The following CDH10 variants were observed in gnomAD, a reference collection of about 807,000 sequenced individuals.
The protein encoded by CDH10 is cadherin 10.
A neutral mutation model predicts 73.1 loss-of-function variants in CDH10; 30 were observed. The ratio of observed to expected loss-of-function variants is 0.41; its 90% CI spans 0.31 to 0.56. CDH10 has a LOEUF of 0.56. Among genes scored for constraint, CDH10 ranks in the 20% least tolerant of loss-of-function variants. The pLI is 0.27. For missense variants in CDH10, 815 were observed against 973.7 expected, an observed-to-expected ratio of 0.84 and a Z score of 2.17; for synonymous variants, 345 against 348.2, an observed-to-expected ratio of 0.99 and a Z score of 0.10.
chr5:24,639,208 T>C (rs949227359), intron 1 of CDH10, among the ~76,000 whole-genome samples: 4 of 151,754 alleles, frequency 2.6e-5, no homozygotes, highest in African/African-American at 9.6e-5. Context: ...GAAGTTCGCT[T>C]CAGTAATTAT....
At chr5:24,604,172 G>T (rs1746670258) in intron 1 of CDH10, among the ~76,000 whole-genome samples, 1 of 151,778 alleles carries the variant, frequency 6.6e-6, no homozygotes, top group African/African-American at 2.4e-5. Flanking sequence ...AACATAGTGA[G>T]ACCCCATATC....
intron 1 of CDH10, among the ~76,000 whole-genome samples, chr5:24,640,539 AAAAAAG>A (rs1157966009): frequency 1.3e-5 from 2 of 151,752 alleles, no homozygotes; most frequent in African/African-American, 4.8e-5. Flanking sequence ...TCTTGAAAAA[AAAAAAG>A]AAAAGATTGA....
intron 9 of CDH10, among the ~76,000 whole-genome samples, chr5:24,494,790 T>G (rs978103141): frequency 9.9e-5 from 15 of 152,020 alleles, no homozygotes; most frequent in Non-Finnish European, 1.9e-4. Flanking sequence ...GTAGTTAATT[T>G]ATACATTTTG....
intron 2 of CDH10, among the ~76,000 whole-genome samples, chr5:24,555,144 C>T (rs1243666530): frequency 6.6e-6 from 1 of 152,074 alleles, no homozygotes; most frequent in South Asian, 2.1e-4. Flanking sequence ...GTTCTTTACT[C>T]TTCTCTGACT....
chr5:24,516,791 T>G (rs973707251), intron 5 of CDH10, among the ~76,000 whole-genome samples: 9 of 151,760 alleles, frequency 5.9e-5, no homozygotes, highest in African/African-American at 9.7e-5. Flanking sequence ...TCATCTTATA[T>G]TTTTTGCGCC....
intron 3 of CDH10, among the ~76,000 whole-genome samples, chr5:24,536,894 T>G (rs1279135734): frequency 6.6e-6 from 1 of 151,868 alleles, no homozygotes; most frequent in Non-Finnish European, 1.5e-5. Flanking sequence ...ATGATAGGAT[T>G]TTTTTATGAT....
At chr5:24,585,875 T>A (rs1230843514) in intron 2 of CDH10, among the ~76,000 whole-genome samples, 2 of 152,234 alleles carry the variant, frequency 1.3e-5, no homozygotes. Flanking sequence ...GATTCACAGT[T>A]CTGTCCCTCC....
At chr5:24,622,966 C>T (rs1180787636) in intron 1 of CDH10, among the ~76,000 whole-genome samples, 2 of 152,058 alleles carry the variant, frequency 1.3e-5, no homozygotes, top group Non-Finnish European at 2.9e-5. Context: ...CATATTTGAC[C>T]TCAGTGGTAG....
rs2111605336 is a variant in CDH10, at chr5:24,487,905, C to T, written c.2125G>A (p.Asp709Asn). 6.2e-7 allele frequency: 1 copy of T among 1,613,834 alleles called. No individual in the cohort carries two copies. Among genetic ancestry groups the T allele is most frequent in the East Asian group, 2.2e-5 (1 of 44,844 alleles). The change falls in exon 12 of 12, where the codon GAC (aspartate) becomes AAC (asparagine). Residue 709 changes from aspartate (D) to asparagine (N), a missense_variant. Physicochemically the swap from Asp to Asn is conservative, Grantham distance 23. Around this residue, in one of 3 missense-constraint regions of CDH10, gnomAD observed 241 missense variants for 240.3 expected, o/e 1.00. Transcript: ENST00000264463. ...RRTPTAPDNT[D>N]VRDFINERLK... ...CTTTCATTAATGAAATCCCGGACGT[C>T]CGTGTTATCTGGAGCTGTAGGAGTC...
intron 2 of CDH10, among the ~76,000 whole-genome samples, chr5:24,564,776 A>G (rs1055670569): frequency 6.6e-6 from 1 of 152,190 alleles, no homozygotes; most frequent in African/African-American, 2.4e-5. Flanking sequence ...AACTTATTAG[A>G]TCAATCCTGC....
intron 9 of CDH10, among the ~76,000 whole-genome samples, chr5:24,494,947 G>T (rs1018260314): frequency 6.6e-6 from 1 of 152,016 alleles, no homozygotes; most frequent in Non-Finnish European, 1.5e-5. Context: ...TCCTTTACAA[G>T]ATAATAGGTT....
At chr5:24,534,638 G>A (rs960155338) in intron 5 of CDH10, among the ~76,000 whole-genome samples, 20 of 151,958 alleles carry the variant, frequency 1.3e-4, no homozygotes, top group African/African-American at 4.3e-4. Flanking sequence ...GATAGTTTTC[G>A]GAGGTTCTCG....
chr5:24,583,124 G>C (rs1461569914), intron 2 of CDH10, among the ~76,000 whole-genome samples: 1 of 149,088 alleles, frequency 6.7e-6, no homozygotes, highest in Non-Finnish European at 1.5e-5. Context: ...CCATTAGAAA[G>C]AATATTATTC....
At chr5:24,605,670 G>A (rs1219034584) in intron 1 of CDH10, among the ~76,000 whole-genome samples, 1 of 152,218 alleles carries the variant, frequency 6.6e-6, no homozygotes, top group Non-Finnish European at 1.5e-5. Context: ...TTCTTAAGAT[G>A]TTACATATGT....
intron 3 of CDH10, among the ~76,000 whole-genome samples, chr5:24,536,907 T>G (rs2111889117): frequency 6.6e-6 from 1 of 152,028 alleles, no homozygotes. Context: ...TTTATGATGT[T>G]TAATAAAAAA....
At chr5:24,569,747 T>A (rs1745300314) in intron 2 of CDH10, among the ~76,000 whole-genome samples, 1 of 151,924 alleles carries the variant, frequency 6.6e-6, no homozygotes, top group African/African-American at 2.4e-5. Context: ...GTGTGAATCT[T>A]TATGTGAACA....
intron 2 of CDH10, among the ~76,000 whole-genome samples, chr5:24,561,092 G>A (rs1228092507): frequency 6.6e-6 from 1 of 152,030 alleles, no homozygotes; most frequent in African/African-American, 2.4e-5. Flanking sequence ...GCAATAGCTG[G>A]CACACACTAT....
At chr5:24,624,076 A>G (rs1302758961) in intron 1 of CDH10, among the ~76,000 whole-genome samples, 1 of 152,094 alleles carries the variant, frequency 6.6e-6, no homozygotes, top group East Asian at 1.9e-4. Context: ...TTGTTTTTTG[A>G]GAGCTCAGTA....
At chr5:24,555,746 T>A (rs1458912450) in intron 2 of CDH10, among the ~76,000 whole-genome samples, 1 of 152,140 alleles carries the variant, frequency 6.6e-6, no homozygotes, top group Non-Finnish European at 1.5e-5. Flanking sequence ...TTCTGAAATA[T>A]AAATTAATCT....
Sources: gnomAD v4.1 joint callset for allele counts (sites outside exome capture counted in the v4.1 genomes callset) on GRCh38, gnomAD v4.1.1 for gene constraint, gnomAD v4.1.1 regional missense constraint, MANE v1.5 for transcripts, NCBI Gene and HGNC (gene_info 2026-07-23, HGNC 2026-07-21) for gene names.